Variants in UIMC1 observed in about 807,000 individuals in gnomAD.
UIMC1 encodes the protein BRCA1-A complex subunit RAP80.
A neutral mutation model predicts 84.9 loss-of-function variants in UIMC1; 42 were observed. The observed-to-expected ratio is 0.49, with a 90% CI of 0.39 to 0.64. UIMC1 has a LOEUF of 0.64. UIMC1 is among the 30% of genes least tolerant of loss of function. UIMC1 has a pLI of 0.00. For synonymous variants in UIMC1, 281 were observed against 293.0 expected (o/e 0.96, Z 0.42); for missense variants, 825 against 847.6 (o/e 0.97, Z 0.33).
intron 1 of UIMC1, among the ~76,000 whole-genome samples, chr5:177,012,001 C>T (rs1016694063): frequency 8.5e-5 from 13 of 152,112 alleles, no homozygotes; most frequent in Admixed American, 6.6e-5. Context: ...GGGATTTCAC[C>T]GTGTTAGACA....
At chr5:176,925,946 C>T (rs1007774684) in intron 10 of UIMC1, among the ~76,000 whole-genome samples, 18 of 152,038 alleles carry the variant, frequency 1.2e-4, no homozygotes, top group African/African-American at 3.9e-4. Context: ...AACCAATATT[C>T]GCAACTTACT....
At chr5:177,015,704 C>A (rs1474245966) in intron 1 of UIMC1, among the ~76,000 whole-genome samples, 5 of 152,214 alleles carry the variant, frequency 3.3e-5, no homozygotes, top group Non-Finnish European at 7.3e-5. Flanking sequence ...TGCCCTCAAT[C>A]TGTCCTTAGA....
chr5:176,942,203 T>C (rs1225625067), intron 10 of UIMC1, among the ~76,000 whole-genome samples: 2 of 152,070 alleles, frequency 1.3e-5, no homozygotes, highest in South Asian at 2.1e-4. Flanking sequence ...ATATGATATG[T>C]AGGACATGAA....
chr5:176,943,350 T>A lies in UIMC1; in HGVS notation c.1582A>T (p.Met528Leu), dbSNP rs1475323691. 2.5e-6 allele frequency: 4 copies of A among 1,613,824 alleles called. No homozygotes were observed. In the South Asian group the frequency reaches 4.4e-5, roughly 18 times the overall value. ...ERHAMYCNGL[M>L]EEDTVLTRRQ... ...GGGTCTTTACCTGTATCTTCCTCCA[T>A]CAGACCATTGCAGTACATGGCATGT... The change falls in exon 10 of 15, where the codon ATG becomes TTG. Residue 528 changes from methionine to leucine, a missense_variant. Coordinates refer to ENST00000511320, the MANE Select transcript of UIMC1 (RefSeq NM_001199298.2).
intron 9 of UIMC1, among the ~76,000 whole-genome samples, chr5:176,949,072 A>G (rs1765504076): frequency 6.6e-6 from 1 of 151,640 alleles, no homozygotes; most frequent in Non-Finnish European, 1.5e-5. Flanking sequence ...TAGTAGTTAA[A>G]ACTCCAGTTT....
chr5:176,989,171 C>T (rs1243408404), intron 1 of UIMC1, among the ~76,000 whole-genome samples: 1 of 151,892 alleles, frequency 6.6e-6, no homozygotes, highest in African/African-American at 2.4e-5. Flanking sequence ...GTAGTCTGTA[C>T]AATACTAGCA....
In UIMC1 at chr5:176,907,303, T is replaced by G. The variant is rs1274378034; in HGVS notation, c.1849-126A>C. On this transcript the variant is annotated intron_variant, in intron 12 of 14. Coordinates refer to ENST00000511320, the MANE Select transcript of UIMC1 (RefSeq NM_001199298.2). ...TGGGGGCCACAGCTCTAGGGAAGTC[T>G]TTTGCTTTCTAATAAACGAGGGTTT... 4.6e-6 allele frequency: 4 copies of G among 865,742 alleles called. No individual in the cohort carries two copies. In the African/African-American group the frequency reaches 5.2e-5, roughly 11 times the overall value. 53.6% of individuals were successfully genotyped at this position (865,742 alleles called of 1,614,324 possible).
At chr5:177,012,539 G>A (rs1008355384) in intron 1 of UIMC1, among the ~76,000 whole-genome samples, 21 of 151,796 alleles carry the variant, frequency 1.4e-4, no homozygotes, top group Admixed American at 1.2e-3. Context: ...CTAAAAATAC[G>A]AAAACTAGCC....
chr5:176,937,234 C>T (rs1763818565), intron 10 of UIMC1, among the ~76,000 whole-genome samples: 1 of 152,166 alleles, frequency 6.6e-6, no homozygotes, highest in Non-Finnish European at 1.5e-5. Flanking sequence ...CGGTGGCTCA[C>T]GCCTGTAATC....
At chr5:176,951,068 C>G (rs979960776) in intron 9 of UIMC1, among the ~76,000 whole-genome samples, 4 of 152,066 alleles carry the variant, frequency 2.6e-5, no homozygotes, top group Non-Finnish European at 4.4e-5. Flanking sequence ...ATGTATACAT[C>G]ATAATATAAA....
In UIMC1 at chr5:176,969,056, T is replaced by C. The variant is rs1768782305; in HGVS notation, c.699A>G (p.Pro233=). 1 of 1,614,230 alleles carries C rather than the reference T, an allele frequency of 6.2e-7. No individual in the cohort carries two copies. The highest frequency in any genetic ancestry group is 8.5e-7 in the Non-Finnish European group (1 of 1,180,034). The change falls in exon 6 of 15, where the codon CCA becomes CCG. Residue 233 remains proline (P), a synonymous_variant. Coordinates refer to ENST00000511320, the MANE Select transcript of UIMC1 (RefSeq NM_001199298.2). ...CAGAACCCCTCCCAGTACTTTCCTG[T>C]GGCTTCCCACACTGTGTGTGCTCAG... ...HSAEHTQCGK[P]QESTGRGSAF...
At chr5:176,967,819 G>A (rs1257896509) in intron 6 of UIMC1, among the ~76,000 whole-genome samples, 6 of 151,452 alleles carry the variant, frequency 4.0e-5, no homozygotes, top group Admixed American at 1.3e-4. Context: ...TTGGGGGATC[G>A]CTTGATCCCA....
chr5:176,973,209 C>T (rs1769538908), intron 3 of UIMC1, among the ~76,000 whole-genome samples: 1 of 152,056 alleles, frequency 6.6e-6, no homozygotes, highest in Non-Finnish European at 1.5e-5. Flanking sequence ...AGCCACTGGG[C>T]ATGGCCAAGT....
intron 1 of UIMC1, among the ~76,000 whole-genome samples, chr5:176,988,229 C>T (rs1315915447): frequency 6.6e-6 from 1 of 151,306 alleles, no homozygotes; most frequent in Non-Finnish European, 1.5e-5. Context: ...TGATGGCTGG[C>T]TATTTTTTAA....
rs535624010 is a variant in UIMC1, at chr5:176,960,673, G to A, written c.1201-2519C>T. ...TCCGTCTCCGTCTCCGTCTCCCCAC[G>A]GTCTCCCTCTCATGCGGAGCCGAAG... On this transcript the variant is annotated intron_variant, in intron 6 of 14. Coordinates refer to ENST00000511320, the MANE Select transcript of UIMC1 (RefSeq NM_001199298.2). Among the ~76,000 whole-genome samples the A allele has an allele frequency of 1.3e-3, 23 of 18,176 alleles. 5 individuals are homozygous for A. In the East Asian group the frequency reaches 0.017, roughly 13 times the overall value. 11.9% of individuals were successfully genotyped at this position (18,176 alleles called of 152,430 possible). A position where few individuals can be genotyped will look rare whatever the true frequency, so the allele number is the denominator to read the frequency against.
At chr5:177,008,307 T>C (rs914333283), upstream of UIMC1, among the ~76,000 whole-genome samples, 2 of 152,174 alleles carry the variant, frequency 1.3e-5, no homozygotes, top group African/African-American at 4.8e-5. Context: ...TTTCTTCCAC[T>C]GCTTCCTTGA....
intron 10 of UIMC1, among the ~76,000 whole-genome samples, chr5:176,938,189 CAAAAAAAAAAAA>C (rs1170386962): frequency 1.8e-5 from 1 of 56,338 alleles, no homozygotes; most frequent in Non-Finnish European, 3.1e-5. Context: ...GACCCTGTCT[CAAAAAAAAAAAA>C]AAAAAAAAAA....
At chr5:176,910,781 A>T (rs1042150596) in intron 11 of UIMC1, among the ~76,000 whole-genome samples, 4 of 152,086 alleles carry the variant, frequency 2.6e-5, no homozygotes, top group Admixed American at 2.6e-4. Context: ...ACACTGACAG[A>T]GACTAGGAAT....
At chr5:176,953,530 A>ACACACC (rs1486168664) in intron 8 of UIMC1, among the ~76,000 whole-genome samples, 3 of 151,086 alleles carry the variant, frequency 2.0e-5, no homozygotes, top group Non-Finnish European at 2.9e-5. Context: ...ACACACACAC[A>ACACACC]CCTTATTGGA....
Sources: allele counts gnomAD v4.1 joint callset (sites outside exome capture counted in the v4.1 genomes callset), GRCh38; gene constraint gnomAD v4.1.1; transcripts MANE v1.5; gene names NCBI Gene and HGNC (gene_info 2026-07-23, HGNC 2026-07-21).